The following MEMO1 variants were observed in gnomAD, a reference collection of about 807,000 sequenced individuals.
The protein encoded by MEMO1 is mediator of cell motility 1.
A neutral mutation model predicts 45.2 loss-of-function variants in MEMO1; 6 were observed. That is an observed-to-expected ratio of 0.13 (90% CI 0.07 to 0.26). MEMO1 has a LOEUF of 0.26. Among genes scored for constraint, MEMO1 ranks in the 10% least tolerant of loss-of-function variants. MEMO1 has a pLI of 1.00. For synonymous variants in MEMO1, 78 were observed against 124.3 expected, an observed-to-expected ratio of 0.63 and a Z score of 2.48; for missense variants, 184 against 370.5, an observed-to-expected ratio of 0.50 and a Z score of 4.13.
intron 2 of MEMO1, among the ~76,000 whole-genome samples, chr2:31,954,246 A>C (rs1309641609): frequency 6.6e-6 from 1 of 152,186 alleles, no homozygotes; most frequent in African/African-American, 2.4e-5. Context: ...TCCTGCCTTT[A>C]AATCTTTTTA....
Position 31,883,420 on chromosome 2 carries a change from TC to T in MEMO1, c.622del (p.Glu208ArgfsTer9). 1.3e-6 allele frequency: 2 copies of T among 1,588,672 alleles called. No homozygotes were observed. Among genetic ancestry groups the T allele is most frequent in the East Asian group, 2.3e-5 (1 of 43,600 alleles). Reference sequence around the variant, plus strand: ...TAGATGTTCAATGGATCTATAAATCTCCCCCTGGGATTCATCATAGTAACTG... The same window carrying T: ...TAGATGTTCAATGGATCTATAAATCTCCCCTGGGATTCATCATAGTAACTG... ...RYSYYDESQG[E>X]IYRSIEHLDK... On this transcript the variant is annotated frameshift_variant, in exon 8 of 10. Coordinates refer to ENST00000404530, the MANE Select transcript of MEMO1 (RefSeq NM_001301833.4). LOFTEE classifies it high-confidence loss of function.
chr2:31,922,421 C>G (rs1371082205), intron 4 of MEMO1, among the ~76,000 whole-genome samples: 1 of 151,220 alleles, frequency 6.6e-6, no homozygotes, highest in Non-Finnish European at 1.5e-5. Context: ...ACAGCACATA[C>G]AGCAAACATT....
chr2:31,925,155 C>G (rs1217493080), intron 4 of MEMO1, among the ~76,000 whole-genome samples: 1 of 152,062 alleles, frequency 6.6e-6, no homozygotes, highest in African/African-American at 2.4e-5. Flanking sequence ...TGCTATTGTT[C>G]CCCATTGCTT....
intron 2 of MEMO1, among the ~76,000 whole-genome samples, chr2:31,972,166 G>T (rs1420742054): frequency 6.6e-6 from 1 of 152,126 alleles, no homozygotes; most frequent in African/African-American, 2.4e-5. Flanking sequence ...TGATGTAGCA[G>T]AGAGATGGTC....
At position 31,978,344 on chromosome 2, in the gene MEMO1, G is replaced by C. The variant is rs567903833; in HGVS notation, c.61+31843C>G. Among the ~76,000 whole-genome samples the C allele has an allele frequency of 7.2e-4, 109 of 152,070 alleles. 1 individual carries two copies. Among genetic ancestry groups the C allele is most frequent in the Non-Finnish European group, 1.4e-3 (94 of 68,030 alleles). Reference sequence around the variant, plus strand: ...GGAGGTTGCAATGAGCCCGAGATCAGGTCATTGCACTCCACCCTGAGCAAG... The same window carrying C: ...GGAGGTTGCAATGAGCCCGAGATCACGTCATTGCACTCCACCCTGAGCAAG... On this transcript the variant is annotated intron_variant, in intron 2 of 9. Coordinates refer to ENST00000404530, the MANE Select transcript of MEMO1 (RefSeq NM_001301833.4).
chr2:31,890,250 T>C (rs987876388), intron 7 of MEMO1, among the ~76,000 whole-genome samples: 5 of 152,060 alleles, frequency 3.3e-5, no homozygotes, highest in African/African-American at 1.2e-4. Flanking sequence ...TTCTAAAAAA[T>C]AATATCAAGG....
At chr2:31,893,507 AT>A (rs1677256452) in intron 6 of MEMO1, among the ~76,000 whole-genome samples, 1 of 152,240 alleles carries the variant, frequency 6.6e-6, no homozygotes, top group Non-Finnish European at 1.5e-5. Context: ...ACATAAAAAA[AT>A]ACATTAAGAT....
chr2:31,927,763 A>C (rs1683324528), intron 4 of MEMO1, among the ~76,000 whole-genome samples: 1 of 152,056 alleles, frequency 6.6e-6, no homozygotes, highest in South Asian at 2.1e-4. Context: ...TTTTTTAAAT[A>C]ATTTTTTAAG....
chr2:31,996,170 A>AGAGAGG (rs1025639399), intron 2 of MEMO1, among the ~76,000 whole-genome samples: 2 of 151,354 alleles, frequency 1.3e-5, no homozygotes, highest in Non-Finnish European at 1.5e-5. Flanking sequence ...AGGAAGGGAG[A>AGAGAGG]GAGAGGGAGA....
intron 7 of MEMO1, among the ~76,000 whole-genome samples, chr2:31,884,413 A>G (rs1675866606): frequency 6.6e-6 from 1 of 152,194 alleles, no homozygotes; most frequent in South Asian, 2.1e-4. Context: ...ATTAGACCAT[A>G]CAAATCATGT....
rs181315916 is a variant in MEMO1, at chr2:31,951,476, G to A, written c.62-8093C>T. Among the ~76,000 whole-genome samples, 21 of 149,158 alleles carry A rather than the reference G, an allele frequency of 1.4e-4. No individual in the cohort carries two copies. In the East Asian group the frequency reaches 3.0e-3, roughly 21 times the overall value. ...ACTGCTTCTCACTACAATGAAAAGTGTTTCCGAGAAGCCTTACCAACTACA... is the reference window on the plus strand; with the variant it reads ...ACTGCTTCTCACTACAATGAAAAGTATTTCCGAGAAGCCTTACCAACTACA... On this transcript the variant is annotated intron_variant, in intron 2 of 9. Coordinates refer to ENST00000404530, the MANE Select transcript of MEMO1 (RefSeq NM_001301833.4).
intron 2 of MEMO1, chr2:31,963,146 G>A: frequency 6.6e-7 from 1 of 1,521,470 alleles, no homozygotes; most frequent in South Asian, 1.3e-5. Flanking sequence ...ATTTCTTAGG[G>A]CTTCAGACTC....
chr2:31,872,909 T>C (rs1674002304), intron 8 of MEMO1, among the ~76,000 whole-genome samples: 1 of 152,108 alleles, frequency 6.6e-6, no homozygotes, highest in Non-Finnish European at 1.5e-5. Context: ...GCAATAATGA[T>C]AAAATTTAGA....
intron 2 of MEMO1, among the ~76,000 whole-genome samples, chr2:31,989,954 C>T (rs775953055): frequency 1.3e-5 from 2 of 151,952 alleles, no homozygotes; most frequent in Non-Finnish European, 2.9e-5. Flanking sequence ...CCTGTCTCTA[C>T]AAAAAATACA....
chr2:31,945,314 T>C (rs1234189113), intron 2 of MEMO1, among the ~76,000 whole-genome samples: 1 of 152,208 alleles, frequency 6.6e-6, no homozygotes, highest in African/African-American at 2.4e-5. Context: ...TGCCAATGTT[T>C]CACTATTAAT....
intron 4 of MEMO1, chr2:31,923,493 C>A: frequency 1.1e-6 from 1 of 882,160 alleles, no homozygotes; most frequent in Non-Finnish European, 1.6e-6. Flanking sequence ...TGAAGAAAAA[C>A]TAAAAGATAG....
chr2:31,929,531 T>G (rs1010223736), intron 4 of MEMO1, among the ~76,000 whole-genome samples: 7 of 152,228 alleles, frequency 4.6e-5, no homozygotes, highest in African/African-American at 1.4e-4. Context: ...AGTATTTACT[T>G]TGATGGATGG....
In MEMO1 at chr2:31,932,057, C is replaced by A; in HGVS notation, c.212+10G>T. The A allele has an allele frequency of 6.2e-7, 1 of 1,608,654 alleles. No homozygotes were observed. Among genetic ancestry groups the A allele is most frequent in the Non-Finnish European group, 8.5e-7 (1 of 1,176,394 alleles). On this transcript the variant is annotated intron_variant, in intron 4 of 9. Coordinates refer to ENST00000404530, the MANE Select transcript of MEMO1 (RefSeq NM_001301833.4). ...GCTTCTCCGACTTAAAACAAAACTA[C>A]ATTACTTACGTAATAGACGGATCCA...
At chr2:31,963,464 G>A (rs1205424761) in intron 2 of MEMO1, among the ~76,000 whole-genome samples, 1 of 152,082 alleles carries the variant, frequency 6.6e-6, no homozygotes. Context: ...TTTGGACAAT[G>A]GTAGGAAACA....
Sources: allele counts gnomAD v4.1 joint callset (sites outside exome capture counted in the v4.1 genomes callset), GRCh38; gene constraint gnomAD v4.1.1; transcripts MANE v1.5; gene names NCBI Gene and HGNC (gene_info 2026-07-23, HGNC 2026-07-21).